STXBP4: variants seen among roughly 807,000 people sequenced by gnomAD.
STXBP4 encodes syntaxin-binding protein 4.
In STXBP4, 55 loss-of-function variants were observed where a neutral mutation model predicts 76.1. The observed-to-expected ratio is 0.72, with a 90% CI of 0.58 to 0.91. The LOEUF (loss-of-function observed/expected upper bound fraction) is 0.91, where lower values mean the gene tolerates loss of function less well. STXBP4 is among the 40% of genes least tolerant of loss of function. The pLI is 0.00. For synonymous variants in STXBP4, 201 were observed against 220.2 expected, an observed-to-expected ratio of 0.91 and a Z score of 0.77; for missense variants, 618 against 636.9, an observed-to-expected ratio of 0.97 and a Z score of 0.32.
At chr17:55,063,643 C>T (rs2079018676) in intron 12 of STXBP4, among the ~76,000 whole-genome samples, 1 of 152,092 alleles carries the variant, frequency 6.6e-6, no homozygotes, top group Non-Finnish European at 1.5e-5. Flanking sequence ...TACAGTTCTA[C>T]AAGGAGCTCT....
At chr17:55,127,889 C>T (rs1360235942) in intron 16 of STXBP4, among the ~76,000 whole-genome samples, 5 of 152,024 alleles carry the variant, frequency 3.3e-5, no homozygotes, top group Non-Finnish European at 7.4e-5. Flanking sequence ...GATTAGGGAT[C>T]AGTGGTGTTT....
chr17:55,072,042 CT>C (rs1255759106), intron 12 of STXBP4, among the ~76,000 whole-genome samples: 1 of 152,128 alleles, frequency 6.6e-6, no homozygotes, highest in African/African-American at 2.4e-5. Flanking sequence ...GTGGTTTTGG[CT>C]ACCCTTTCCT....
At chr17:55,189,571 G>T in the STXBP4 span, among the ~76,000 whole-genome samples, 9 of 152,348 alleles carry the variant, frequency 5.9e-5, no homozygotes, top group South Asian at 1.7e-3. Flanking sequence ...CCACGGTCAA[G>T]TTACGTGCCC....
the STXBP4 span, among the ~76,000 whole-genome samples, chr17:55,183,641 C>A: frequency 1.3e-5 from 2 of 152,046 alleles, no homozygotes. Flanking sequence ...TCACAAGAGT[C>A]ATTTCAACAT....
intron 3 of STXBP4, among the ~76,000 whole-genome samples, chr17:54,989,892 A>G (rs1471199128): frequency 6.6e-6 from 1 of 152,234 alleles, no homozygotes; most frequent in Non-Finnish European, 1.5e-5. Context: ...TTCTTTCTAA[A>G]TTAAAAAGAT....
intron 7 of STXBP4, among the ~76,000 whole-genome samples, chr17:55,001,752 C>T (rs1395761251): frequency 6.6e-6 from 1 of 152,202 alleles, no homozygotes; most frequent in Non-Finnish European, 1.5e-5. Context: ...CCTGCCTCAG[C>T]CTCCCAAGTA....
intron 12 of STXBP4, among the ~76,000 whole-genome samples, chr17:55,064,559 A>G (rs1401427899): frequency 6.6e-6 from 1 of 152,140 alleles, no homozygotes; most frequent in Non-Finnish European, 1.5e-5. Flanking sequence ...CAGTGGCACA[A>G]TCTCGGCTAC....
intron 7 of STXBP4, among the ~76,000 whole-genome samples, chr17:55,004,748 G>A (rs774818615): frequency 3.3e-5 from 5 of 151,620 alleles, no homozygotes; most frequent in Non-Finnish European, 5.9e-5. Context: ...GAGGAGGCGG[G>A]GAGGAGGAGG....
chr17:55,077,935 C>A, intron 13 of STXBP4, 143 bp from the exon 14 acceptor site: 1 of 489,390 alleles, frequency 2.0e-6, no homozygotes, highest in Non-Finnish European at 3.6e-6. Flanking sequence ...TAGTTACATG[C>A]CCCCCAAAAT....
At chr17:54,984,342 T>TC (rs1423819969) in intron 1 of STXBP4, among the ~76,000 whole-genome samples, 3 of 126,638 alleles carry the variant, frequency 2.4e-5, no homozygotes, top group Non-Finnish European at 4.7e-5. Flanking sequence ...CTTTTTTCTT[T>TC]TTTTTTTTTT....
intron 1 of STXBP4, among the ~76,000 whole-genome samples, chr17:54,979,182 G>A (rs902392824): frequency 6.6e-6 from 1 of 152,080 alleles, no homozygotes; most frequent in Non-Finnish European, 1.5e-5. Flanking sequence ...TTCCCCAGGT[G>A]CCCCTCAAAA....
At chr17:55,078,499 A>G (rs2079216061) in intron 14 of STXBP4, among the ~76,000 whole-genome samples, 187 bp from the exon 15 acceptor site, 1 of 152,202 alleles carries the variant, frequency 6.6e-6, no homozygotes. Flanking sequence ...TTATAAAGAA[A>G]TGTTTTCATA....
At chr17:55,001,921 C>T (rs911904906) in intron 7 of STXBP4, among the ~76,000 whole-genome samples, 4 of 152,162 alleles carry the variant, frequency 2.6e-5, no homozygotes, top group African/African-American at 7.2e-5. Flanking sequence ...CGTGAGCCAC[C>T]GCTCGTGCCT....
intron 16 of STXBP4, among the ~76,000 whole-genome samples, chr17:55,102,949 C>A (rs1052189754): frequency 9.2e-5 from 14 of 152,054 alleles, no homozygotes; most frequent in African/African-American, 3.1e-4. Context: ...CTGTTCATAT[C>A]CTTTGCCCAC....
chr17:55,007,775 T>C (rs1333008262), intron 8 of STXBP4, among the ~76,000 whole-genome samples, 178 bp downstream of exon 8: 1 of 152,208 alleles, frequency 6.6e-6, no homozygotes, highest in African/African-American at 2.4e-5. Context: ...TGGTAGTTCA[T>C]GGTGGTTCAC....
At chr17:55,088,990 T>G (rs952754793) in intron 16 of STXBP4, among the ~76,000 whole-genome samples, 1 of 152,194 alleles carries the variant, frequency 6.6e-6, no homozygotes, top group South Asian at 2.1e-4. Flanking sequence ...CCACAGAATC[T>G]CTGATGTTCC....
intron 16 of STXBP4, among the ~76,000 whole-genome samples, chr17:55,121,401 CTG>C (rs1333520532): frequency 1.3e-5 from 2 of 152,036 alleles, no homozygotes; most frequent in Non-Finnish European, 2.9e-5. Flanking sequence ...GAAAAACACA[CTG>C]AGAGAGAGAT....
At chr17:55,196,853 C>A in the STXBP4 span, among the ~76,000 whole-genome samples, 4 of 152,302 alleles carry the variant, frequency 2.6e-5, no homozygotes, top group South Asian at 6.2e-4. Flanking sequence ...TTGGACAAAC[C>A]AGTTGGATCT....
chr17:55,025,408 T>C (rs567329971), intron 8 of STXBP4, among the ~76,000 whole-genome samples: 2 of 152,288 alleles, frequency 1.3e-5, no homozygotes, highest in East Asian at 3.9e-4. Context: ...GGCCCATCTA[T>C]TTATTTCAGG....
Sources: gnomAD v4.1 joint callset for allele counts (sites outside exome capture counted in the v4.1 genomes callset) on GRCh38, gnomAD v4.1.1 for gene constraint, MANE v1.5 for transcripts, NCBI Gene and HGNC (gene_info 2026-07-23, HGNC 2026-07-21) for gene names.